CCDC85C: variants seen among roughly 807,000 people sequenced by gnomAD.
CCDC85C encodes the protein coiled-coil domain-containing protein 85C.
Under a neutral mutation model 38.3 loss-of-function variants are expected in CCDC85C, and 18 were observed. The ratio of observed to expected loss-of-function variants is 0.47; its 90% CI spans 0.33 to 0.70. The LOEUF (loss-of-function observed/expected upper bound fraction) is 0.70. CCDC85C is among the 30% of genes least tolerant of loss of function. The pLI is 0.03. For missense variants in CCDC85C, 566 were observed against 621.2 expected (o/e 0.91, Z 0.94); for synonymous variants, 264 against 293.8 (o/e 0.90, Z 1.04).
chr14:99,500,649 G>A lies in CCDC85C; in HGVS notation c.*14597C>T, dbSNP rs769988689. On this transcript the variant is annotated 3_prime_UTR_variant, in exon 6 of 6. Coordinates refer to ENST00000380243, the MANE Select transcript of CCDC85C (RefSeq NM_001144995.2). ...TGAGTGGGAGAGAAAGGAAGGAAAG[G>A]CAGTTGCTAAAATATAACTTGAAGA... 5.7e-6 allele frequency: 4 copies of A among 707,384 alleles called. No homozygotes were observed. Among genetic ancestry groups the A allele is most frequent in the Non-Finnish European group, 1.0e-5 (4 of 397,762 alleles). The allele number at this position is 707,384 out of a possible 1,614,324, so 43.8% of individuals were successfully genotyped here. A position where few individuals can be genotyped will look rare whatever the true frequency, so the allele number is the denominator to read the frequency against.
At chr14:99,547,579 G>T (rs1897830104) in intron 1 of CCDC85C, among the ~76,000 whole-genome samples, 1 of 152,222 alleles carries the variant, frequency 6.6e-6, no homozygotes, top group East Asian at 1.9e-4. Context: ...TTCGAGACTA[G>T]CCTGGCCAAC....
chr14:99,571,456 C>T (rs1462299980), intron 1 of CCDC85C, among the ~76,000 whole-genome samples: 1 of 152,206 alleles, frequency 6.6e-6, no homozygotes, highest in Non-Finnish European at 1.5e-5. Context: ...AGGTGCACAG[C>T]CGTGCCGTTC....
chr14:99,502,780 C>A lies in CCDC85C; in HGVS notation c.*12466G>T, dbSNP rs781120753. 6.2e-7 allele frequency: 1 copy of A among 1,613,536 alleles called. No individual in the cohort carries two copies. Among genetic ancestry groups the A allele is most frequent in the Admixed American group, 1.7e-5 (1 of 59,990 alleles). On this transcript the variant is annotated 3_prime_UTR_variant, in exon 6 of 6. Transcript: ENST00000380243. ...GAAAACAACAGATGCCTCATCACAC[C>A]CCCCATCAGCTGCAACAGCCCCCAT...
intron 1 of CCDC85C, among the ~76,000 whole-genome samples, chr14:99,600,143 G>A (rs1193336570): frequency 6.6e-6 from 1 of 152,254 alleles, no homozygotes; most frequent in Non-Finnish European, 1.5e-5. Context: ...AAACATTCAG[G>A]TGAGCTGTCT....
chr14:99,534,593 T>C (rs10149265), intron 2 of CCDC85C: 8,636 of 701,908 alleles, frequency 0.012, 85 homozygotes, highest in African/African-American at 0.036. Context: ...TCCTACACAC[T>C]GCATGGGGAC....
intron 1 of CCDC85C, among the ~76,000 whole-genome samples, chr14:99,570,293 A>G (rs1216504943): frequency 2.0e-5 from 3 of 152,234 alleles, no homozygotes; most frequent in Admixed American, 6.5e-5. Context: ...TGCTGGGGCC[A>G]CTGTGAGCCA....
intron 1 of CCDC85C, among the ~76,000 whole-genome samples, chr14:99,598,689 C>T (rs536283884): frequency 1.3e-5 from 2 of 152,324 alleles, no homozygotes; most frequent in South Asian, 2.1e-4. Flanking sequence ...AATTCTGACA[C>T]AGGAGACCCA....
chr14:99,586,950 G>A (rs971211735), intron 1 of CCDC85C, among the ~76,000 whole-genome samples: 28 of 152,344 alleles, frequency 1.8e-4, no homozygotes, highest in African/African-American at 5.8e-4. Context: ...GCTCACAGAG[G>A]GCCTCTGCCC....
chr14:99,556,912 A>C (rs957969504), intron 1 of CCDC85C, among the ~76,000 whole-genome samples: 1 of 151,372 alleles, frequency 6.6e-6, no homozygotes, highest in Non-Finnish European at 1.5e-5. Flanking sequence ...ATACTTCAGA[A>C]AAAAAAAAAA....
intron 1 of CCDC85C, among the ~76,000 whole-genome samples, chr14:99,567,886 C>G (rs1478001375): frequency 6.6e-6 from 1 of 152,218 alleles, no homozygotes; most frequent in Admixed American, 6.5e-5. Context: ...AGCTTGCCAC[C>G]TTGGGGCTGG....
chr14:99,573,308 G>A (rs1898397928), intron 1 of CCDC85C, among the ~76,000 whole-genome samples: 1 of 152,190 alleles, frequency 6.6e-6, no homozygotes, highest in Non-Finnish European at 1.5e-5. Flanking sequence ...GCTCTGCCTG[G>A]TGCATGGGTC....
intron 1 of CCDC85C, among the ~76,000 whole-genome samples, chr14:99,585,583 T>C (rs2055017209): frequency 6.6e-6 from 1 of 152,230 alleles, no homozygotes; most frequent in Admixed American, 6.5e-5. Flanking sequence ...ATTCCTACTA[T>C]TATTGTCACC....
intron 1 of CCDC85C, among the ~76,000 whole-genome samples, chr14:99,573,187 G>A (rs927712798): frequency 1.6e-4 from 24 of 152,292 alleles, no homozygotes; most frequent in Middle Eastern, 3.4e-3. Flanking sequence ...GCTGCTCAGC[G>A]GTCCAGCGTC....
chr14:99,528,839 G>T (rs1002642276), intron 2 of CCDC85C, among the ~76,000 whole-genome samples: 2 of 152,092 alleles, frequency 1.3e-5, no homozygotes, highest in Admixed American at 6.5e-5. Context: ...GGGCGTGTTA[G>T]GGGGACGAGG....
Position 99,507,103 on chromosome 14 carries a change from T to C in CCDC85C, c.*8143A>G, listed in dbSNP as rs1220922392. 5 of 1,612,210 alleles carry C rather than the reference T, an allele frequency of 3.1e-6. No homozygotes were observed. The highest frequency in any genetic ancestry group is 1.7e-5 in the Admixed American group (1 of 60,016). Reference sequence around the variant, plus strand: ...CCACCACCACCTAAAATCCCCAAAATTGAGACCACTCATCCACCGTTGCCT... The same window carrying C: ...CCACCACCACCTAAAATCCCCAAAACTGAGACCACTCATCCACCGTTGCCT... On this transcript the variant is annotated 3_prime_UTR_variant, in exon 6 of 6. Coordinates refer to ENST00000380243, the MANE Select transcript of CCDC85C (RefSeq NM_001144995.2).
In CCDC85C at chr14:99,517,184, C is replaced by T; in HGVS notation, c.976-1G>A. 4.5e-6 allele frequency: 7 copies of T among 1,539,590 alleles called. No homozygotes were observed. Among genetic ancestry groups the T allele is most frequent in the East Asian group, 2.5e-5 (1 of 40,800 alleles). On this transcript the variant is annotated splice_acceptor_variant, in intron 3 of 5. Coordinates refer to ENST00000380243, the MANE Select transcript of CCDC85C (RefSeq NM_001144995.2). LOFTEE classifies it high-confidence loss of function. ...GCTCAGGTGCGGGGCAGGCCGGGCC[C>T]TGGGGAAGGCAATCACACATCTCAG...
rs1898045883 is a variant in CCDC85C, at chr14:99,558,034, C to A, written c.794-21946G>T. 6.6e-6 allele frequency among the ~76,000 whole-genome samples: 1 copy of A among 152,142 alleles called. No individual in the cohort carries two copies. The highest frequency in any genetic ancestry group is 2.4e-5 in the African/African-American group (1 of 41,426). ...GAAGAAAGTGCGTGTGCAGCTTAAT[C>A]TTAGGGGAAAAAAATATCAACCAGG... On this transcript the variant is annotated intron_variant, in intron 1 of 5. Coordinates refer to ENST00000380243, the MANE Select transcript of CCDC85C (RefSeq NM_001144995.2). The surrounding 1 kb of genome is among the most constrained non-coding windows in gnomAD (Gnocchi z 4.2).
intron 1 of CCDC85C, among the ~76,000 whole-genome samples, chr14:99,550,423 C>A (rs747691785): frequency 6.6e-6 from 1 of 152,154 alleles, no homozygotes; most frequent in Non-Finnish European, 1.5e-5. Context: ...TAGAAGGGAA[C>A]GCAGCCCTGC....
Position 99,510,611 on chromosome 14 carries a change from C to T in CCDC85C, c.*4635G>A, listed in dbSNP as rs1286595782. ...ACTTCCCACCCCCACCCCCACGCCT[C>T]CCGCCTACCCACGCAGTCCCCCCTC... On this transcript the variant is annotated 3_prime_UTR_variant, in exon 6 of 6. Transcript: ENST00000380243. The T allele has an allele frequency of 6.2e-6, 8 of 1,298,016 alleles. No homozygotes were observed. Among genetic ancestry groups the T allele is most frequent in the Middle Eastern group, 2.7e-4 (1 of 3,684 alleles). The allele number at this position is 1,298,016 out of a possible 1,614,324, so 80.4% of individuals were successfully genotyped here. A position where few individuals can be genotyped will look rare whatever the true frequency, so the allele number is the denominator to read the frequency against.
Sources: gnomAD v4.1 joint callset for allele counts (sites outside exome capture counted in the v4.1 genomes callset) on GRCh38, gnomAD v4.1.1 for gene constraint, Gnocchi (gnomAD v3.1) non-coding constraint, MANE v1.5 for transcripts, NCBI Gene and HGNC (gene_info 2026-07-23, HGNC 2026-07-21) for gene names.